Variants in TENM2 observed in about 807,000 individuals in gnomAD.
TENM2 encodes the protein teneurin-2.
Under a neutral mutation model 245.2 loss-of-function variants are expected in TENM2, and 52 were observed. The ratio of observed to expected loss-of-function variants is 0.21; its 90% CI spans 0.17 to 0.27. The LOEUF is 0.27. Ranked by LOEUF, TENM2 falls within the 10% of genes least tolerant of loss-of-function variation. The pLI is 1.00. For synonymous variants in TENM2, 1,363 were observed against 1,438.9 expected (o/e 0.95, Z 1.19); for missense variants, 3,046 against 3,666.8 (o/e 0.83, Z 4.37).
chr5:167,131,857 C>T, the TENM2 span, among the ~76,000 whole-genome samples: 2 of 152,280 alleles, frequency 1.3e-5, no homozygotes, highest in Non-Finnish European at 2.9e-5. Flanking sequence ...GAGTCTTACT[C>T]TGTCACCCAG....
chr5:168,022,924 G>A (rs1009040153), intron 5 of TENM2, among the ~76,000 whole-genome samples: 4 of 151,998 alleles, frequency 2.6e-5, no homozygotes, highest in Non-Finnish European at 5.9e-5. Flanking sequence ...TGTCCATCTC[G>A]CCTGCGCTAT....
chr5:167,866,515 A>T (rs1042010515), intron 2 of TENM2, among the ~76,000 whole-genome samples: 1 of 149,886 alleles, frequency 6.7e-6, no homozygotes, highest in Non-Finnish European at 1.5e-5. Context: ...AAAAAAAAAA[A>T]AGTATTTGCC....
At chr5:167,834,392 C>T (rs1047136133) in intron 2 of TENM2, among the ~76,000 whole-genome samples, 15 of 152,208 alleles carry the variant, frequency 9.9e-5, no homozygotes, top group African/African-American at 3.6e-4. Flanking sequence ...TAGATGCCTT[C>T]TTTATTTCCT....
rs186198143 is a variant in TENM2, at chr5:167,519,771, C to T, written c.502+144298C>T. Reference sequence around the variant, plus strand: ...TTTCTTAGAAATGATTTTAGACCTACAATTCACAATCAAATTGTGATTGTT... The same window carrying T: ...TTTCTTAGAAATGATTTTAGACCTATAATTCACAATCAAATTGTGATTGTT... On this transcript the variant is annotated intron_variant, in intron 2 of 28. Coordinates refer to ENST00000518659, the Ensembl canonical transcript of TENM2. Among the ~76,000 whole-genome samples the T allele has an allele frequency of 3.7e-4, 57 of 152,272 alleles. No individual in the cohort carries two copies. The East Asian group carries it at 9.9e-3, about 26-fold the overall frequency.
In TENM2 at chr5:168,123,340, C is replaced by T. The variant is rs538262496; in HGVS notation, c.2009-1510C>T. On this transcript the variant is annotated intron_variant, in intron 10 of 28. Transcript: ENST00000518659. ...AACAAAAAAGGCATTATTTTGTGCC[C>T]CATAGGGAAAGAAAAAAAGACACTC... is the stretch of plus-strand genomic sequence containing the variant. Among the ~76,000 whole-genome samples the T allele has an allele frequency of 3.9e-5, 6 of 152,042 alleles. No individual in the cohort carries two copies. The East Asian group carries it at 9.7e-4, about 24-fold the overall frequency.
the TENM2 span, among the ~76,000 whole-genome samples, chr5:166,992,828 A>C: frequency 1.3e-5 from 2 of 152,324 alleles, no homozygotes; most frequent in East Asian, 3.9e-4. Flanking sequence ...AATGAGCCAG[A>C]TGTGCTGCTG....
chr5:167,182,890 A>T, the TENM2 span, among the ~76,000 whole-genome samples: 54 of 152,270 alleles, frequency 3.5e-4, no homozygotes, highest in African/African-American at 1.2e-3. Flanking sequence ...ATTAATATTA[A>T]TGCATTTTTA....
intron 2 of TENM2, among the ~76,000 whole-genome samples, chr5:167,577,587 CA>C (rs1774791704): frequency 6.6e-6 from 1 of 152,054 alleles, no homozygotes; most frequent in African/African-American, 2.4e-5. Flanking sequence ...GATTCAAATA[CA>C]TTTTTTTTTG....
At chr5:167,192,585 G>C in the TENM2 span, among the ~76,000 whole-genome samples, 9 of 152,016 alleles carry the variant, frequency 5.9e-5, no homozygotes, top group Admixed American at 5.9e-4. Context: ...ACCACATTGG[G>C]TGTGATCTAT....
At chr5:167,418,676 C>A (rs1298349253) in intron 2 of TENM2, among the ~76,000 whole-genome samples, 3 of 152,122 alleles carry the variant, frequency 2.0e-5, no homozygotes, top group African/African-American at 7.2e-5. Context: ...ATATTAGATT[C>A]AATCTTTACA....
chr5:167,572,114 A>C (rs1218096094), intron 2 of TENM2, among the ~76,000 whole-genome samples: 1 of 152,152 alleles, frequency 6.6e-6, no homozygotes, highest in Non-Finnish European at 1.5e-5. Flanking sequence ...ATTAGGGTGG[A>C]GGTGGGGATT....
At chr5:167,416,529 G>T (rs1763175978) in intron 2 of TENM2, among the ~76,000 whole-genome samples, 1 of 152,070 alleles carries the variant, frequency 6.6e-6, no homozygotes, top group Admixed American at 6.6e-5. Context: ...GGACTGTCAG[G>T]TGCCTCTAAA....
the TENM2 span, among the ~76,000 whole-genome samples, chr5:167,136,289 G>A: frequency 6.6e-6 from 1 of 152,044 alleles, no homozygotes; most frequent in South Asian, 2.1e-4. Flanking sequence ...AATTGCTATC[G>A]ATGCTCCCAT....
rs544241149 is a variant in TENM2, at chr5:167,863,399, G to A, written c.503-12587G>A. 5.3e-5 allele frequency among the ~76,000 whole-genome samples: 8 copies of A among 152,162 alleles called. No individual in the cohort carries two copies. The South Asian group carries it at 1.7e-3, about 32-fold the overall frequency. On this transcript the variant is annotated intron_variant, in intron 2 of 28. Coordinates refer to ENST00000518659, the Ensembl canonical transcript of TENM2. ...GGAGGCTGAGGCAGGAGAATTGCCTGGGGTCGGGAGTTTGAGACCAGTCTG... is the reference window on the plus strand; with the variant it reads ...GGAGGCTGAGGCAGGAGAATTGCCTAGGGTCGGGAGTTTGAGACCAGTCTG...
At chr5:167,109,087 C>T in the TENM2 span, among the ~76,000 whole-genome samples, 1 of 152,066 alleles carries the variant, frequency 6.6e-6, no homozygotes, top group Admixed American at 6.5e-5. Flanking sequence ...AGAGGAAAAA[C>T]TGGACTTCTT....
the TENM2 span, among the ~76,000 whole-genome samples, chr5:167,131,410 C>A: frequency 6.6e-6 from 1 of 152,094 alleles, no homozygotes; most frequent in Non-Finnish European, 1.5e-5. Flanking sequence ...GATTGATATT[C>A]CCGATTGAGT....
the TENM2 span, among the ~76,000 whole-genome samples, chr5:167,056,097 G>T: frequency 6.6e-6 from 1 of 151,824 alleles, no homozygotes; most frequent in Non-Finnish European, 1.5e-5. Context: ...TTCCTATTTT[G>T]CTGAGATTTT....
chr5:167,155,696 C>G, the TENM2 span, among the ~76,000 whole-genome samples: 1 of 152,188 alleles, frequency 6.6e-6, no homozygotes, highest in Non-Finnish European at 1.5e-5. Context: ...AGGATTTACA[C>G]AAAATGAAAT....
intron 2 of TENM2, among the ~76,000 whole-genome samples, chr5:167,698,873 G>A (rs1027203174): frequency 5.9e-5 from 9 of 151,632 alleles, no homozygotes; most frequent in Non-Finnish European, 1.2e-4. Context: ...TAGTAGAGGC[G>A]GGATTTCACC....
Sources: gnomAD v4.1 joint callset for allele counts (sites outside exome capture counted in the v4.1 genomes callset) on GRCh38, gnomAD v4.1.1 for gene constraint, MANE v1.5 for transcripts, NCBI Gene and HGNC (gene_info 2026-07-23, HGNC 2026-07-21) for gene names.